PCSK1: variants seen among roughly 807,000 people sequenced by gnomAD.
PCSK1 encodes the protein proprotein convertase subtilisin/kexin type 1, also known as neuroendocrine convertase 1.
Under a neutral mutation model 90.6 loss-of-function variants are expected in PCSK1, and 56 were observed. That is an observed-to-expected ratio of 0.62 (90% CI 0.50 to 0.77). PCSK1 has a LOEUF of 0.77. Ranked by LOEUF, PCSK1 falls within the 30% of genes least tolerant of loss-of-function variation. PCSK1 has a pLI of 0.00. For synonymous variants in PCSK1, 348 were observed against 342.4 expected (o/e 1.02, Z -0.18); for missense variants, 801 against 932.6 (o/e 0.86, Z 1.84).
chr5:96,429,309 T>A lies in PCSK1; in HGVS notation c.189A>T (p.Ser63=). 3 of 1,536,686 alleles carry A rather than the reference T, an allele frequency of 2.0e-6. No homozygotes were observed. Among genetic ancestry groups the A allele is most frequent in the South Asian group, 1.1e-5 (1 of 89,572 alleles). The change falls in exon 2 of 14, where the codon TCA becomes TCT. Residue 63 remains serine, a synonymous_variant. Transcript: ENST00000311106. ...GTTTGAATAAGTAGTGATTTTCAAG[T>A]GAACCAATCTATAAAAGGAAAGAAA... The part of the protein sequence containing the change: ...LGYDLLGQIG[S]LENHYLFKHK...
At chr5:96,406,387 G>A (rs1333557465) in intron 9 of PCSK1, among the ~76,000 whole-genome samples, 1 of 152,070 alleles carries the variant, frequency 6.6e-6, no homozygotes, top group African/African-American at 2.4e-5. Flanking sequence ...CCTATTATAA[G>A]TGAACTTAGA....
At chr5:96,412,620 A>G (rs996922858) in intron 6 of PCSK1, 130 bp from the exon 7 acceptor site, 14 of 808,120 alleles carry the variant, frequency 1.7e-5, no homozygotes, top group East Asian at 5.3e-5. Flanking sequence ...TACTAGATAG[A>G]TGTCCCCAAT....
intron 5 of PCSK1, among the ~76,000 whole-genome samples, chr5:96,419,220 C>A: frequency 6.7e-6 from 1 of 149,906 alleles, no homozygotes; most frequent in African/African-American, 2.5e-5. Flanking sequence ...TGTTTAAATG[C>A]CAGATATACA....
intron 2 of PCSK1, 124 bp downstream of exon 2, chr5:96,429,089 A>G: frequency 1.6e-6 from 1 of 639,368 alleles, no homozygotes; most frequent in South Asian, 1.8e-5. Context: ...AATAATACAG[A>G]TAAACAATCT....
At chr5:96,399,331 C>T (rs1019344807) in intron 10 of PCSK1, among the ~76,000 whole-genome samples, 1 of 152,116 alleles carries the variant, frequency 6.6e-6, no homozygotes, top group Middle Eastern at 3.2e-3. Context: ...ATCTAGAAGG[C>T]CTTCTGAAGG....
chr5:96,416,111 T>C lies in PCSK1; in HGVS notation c.631A>G (p.Arg211Gly). Residue 211 changes from arginine to glycine, a missense_variant, in exon 6 of 14, where the codon AGA becomes GGA. Transcript: ENST00000311106. ...DPTNENKHGT[R>G]CAGEIAMQAN... is the part of the protein sequence containing the mutation. ...TGCATGGCAATTTCTCCTGCACATC[T>C]GGTCCCGTGTCTGAGGATTGAAAAA... 1 of 1,608,490 alleles carries C rather than the reference T, an allele frequency of 6.2e-7. No homozygotes were observed. The highest frequency in any genetic ancestry group is 1.1e-5 in the South Asian group (1 of 91,006).
chr5:96,432,064 C>A (rs983035416), intron 1 of PCSK1: 1 of 1,517,878 alleles, frequency 6.6e-7, no homozygotes, highest in Non-Finnish European at 8.8e-7. Flanking sequence ...CTGAAATTCC[C>A]GGGAAAACGA....
chr5:96,405,749 T>A (rs1438193799), intron 9 of PCSK1, among the ~76,000 whole-genome samples: 2 of 152,210 alleles, frequency 1.3e-5, no homozygotes, highest in Non-Finnish European at 2.9e-5. Flanking sequence ...CCTTGAGGTT[T>A]TAGAAACCAA....
At chr5:96,430,875 C>T (rs1761470450) in intron 1 of PCSK1, among the ~76,000 whole-genome samples, 1 of 152,056 alleles carries the variant, frequency 6.6e-6, no homozygotes, top group Admixed American at 6.5e-5. Context: ...AAAGATCCTC[C>T]CAAGAATGAT....
chr5:96,403,430 A>T (rs188211827), intron 9 of PCSK1, among the ~76,000 whole-genome samples: 4 of 152,170 alleles, frequency 2.6e-5, no homozygotes, highest in Admixed American at 2.6e-4. Flanking sequence ...CCACCCCATG[A>T]CAGGCCCCGG....
chr5:96,401,755 C>T (rs1459000066), intron 9 of PCSK1, among the ~76,000 whole-genome samples: 1 of 152,116 alleles, frequency 6.6e-6, no homozygotes, highest in Non-Finnish European at 1.5e-5. Flanking sequence ...ATGTCTCTCT[C>T]CCTGGTTCTA....
rs531446200 is a variant in PCSK1, at chr5:96,391,427, G to C, written c.*1574C>G. The C allele has an allele frequency of 6.6e-6, 1 of 152,298 alleles. No individual in the cohort carries two copies. Among genetic ancestry groups the C allele is most frequent in the Admixed American group, 6.5e-5 (1 of 15,292 alleles). The allele number at this position is 152,298 out of a possible 1,614,324, so 9.4% of individuals were successfully genotyped here. On this transcript the variant is annotated 3_prime_UTR_variant, in exon 14 of 14. Transcript: ENST00000311106. Reference sequence around the variant, plus strand: ...TTGTAGGTGACTGGAGACTTTGTAAGCATATTGAGAGAAGGAAGCCAGAAG... The same window carrying C: ...TTGTAGGTGACTGGAGACTTTGTAACCATATTGAGAGAAGGAAGCCAGAAG...
intron 2 of PCSK1, among the ~76,000 whole-genome samples, chr5:96,428,021 A>C (rs2112448610): frequency 6.6e-6 from 1 of 151,916 alleles, no homozygotes; most frequent in East Asian, 1.9e-4. Flanking sequence ...TAGATGAGCT[A>C]TACGGTCACT....
At chr5:96,409,475 G>A (rs1009641905) in intron 8 of PCSK1, among the ~76,000 whole-genome samples, 7 of 152,170 alleles carry the variant, frequency 4.6e-5, no homozygotes, top group African/African-American at 1.4e-4. Flanking sequence ...AAAAGGTTAT[G>A]TTACTGAGAC....
Position 96,390,543 on chromosome 5 carries a change from A to G in PCSK1, c.*2458T>C, listed in dbSNP as rs1759905540. On this transcript the variant is annotated 3_prime_UTR_variant, in exon 14 of 14. Coordinates refer to ENST00000311106, the MANE Select transcript of PCSK1 (RefSeq NM_000439.5). ...TGTCACTTTTAATATCACAACACATACATGTACTTTTTTTCATTGACAGAG... is the reference window on the plus strand; with the variant it reads ...TGTCACTTTTAATATCACAACACATGCATGTACTTTTTTTCATTGACAGAG... 6.6e-6 allele frequency: 1 copy of G among 152,618 alleles called. No individual in the cohort carries two copies. Among genetic ancestry groups the G allele is most frequent in the South Asian group, 2.1e-4 (1 of 4,830 alleles). The allele number at this position is 152,618 out of a possible 1,614,324, so 9.5% of individuals were successfully genotyped here.
intron 5 of PCSK1, among the ~76,000 whole-genome samples, chr5:96,420,772 G>GGAGA (rs1416889183): frequency 1.5e-5 from 2 of 135,412 alleles, no homozygotes; most frequent in African/African-American, 2.9e-5. Context: ...AGGAAGAGAG[G>GGAGA]GAGAGAGAGA....
Position 96,416,041 on chromosome 5 carries a change from T to G in PCSK1, c.701A>C (p.Lys234Thr), listed in dbSNP as rs145127903. Residue 234 changes from lysine to threonine, a missense_variant, in exon 6 of 14, where the codon AAA becomes ACA. By Grantham distance (78) the Lys-to-Thr change is moderately conservative. Coordinates refer to ENST00000311106, the MANE Select transcript of PCSK1 (RefSeq NM_000439.5). ...KCGVGVAYNS[K>T]VGGIRMLDGI... ...ACAATCCTCTGTTTTACCTCCAACT[T>G]TGGAATTGTATGCAACTCCAACCCC... The G allele has an allele frequency of 1.9e-6, 3 of 1,605,968 alleles. No homozygotes were observed. Among genetic ancestry groups the G allele is most frequent in the Non-Finnish European group, 8.5e-7 (1 of 1,172,572 alleles).
chr5:96,413,398 A>C (rs1760835623), intron 6 of PCSK1, among the ~76,000 whole-genome samples: 1 of 152,274 alleles, frequency 6.6e-6, no homozygotes, highest in Admixed American at 6.5e-5. Flanking sequence ...AATACAATAA[A>C]GTGCACAGCC....
Position 96,410,948 on chromosome 5 carries a change from C to T in PCSK1, c.921G>A (p.Ser307=), listed in dbSNP as rs144822361. ...TATCTCCCTGACGCCCCCCGTTTCC[C>T]GAAGCCCAGACGAAGATGGACCCCT... ...QGKGSIFVWA[S]GNGGRQGDNC... The change falls in exon 8 of 14, where the codon TCG becomes TCA. Residue 307 remains serine, a synonymous_variant. Transcript: ENST00000311106. 26 of 1,613,796 alleles carry T rather than the reference C, an allele frequency of 1.6e-5. No individual in the cohort carries two copies. The highest frequency in any genetic ancestry group is 8.0e-5 in the African/African-American group (6 of 74,866).
Sources: gnomAD v4.1 joint callset for allele counts (sites outside exome capture counted in the v4.1 genomes callset) on GRCh38, gnomAD v4.1.1 for gene constraint, MANE v1.5 for transcripts, NCBI Gene and HGNC (gene_info 2026-07-23, HGNC 2026-07-21) for gene names.